Variants in ADAMTS18 observed in about 807,000 individuals in gnomAD.
The protein encoded by ADAMTS18 is ADAM metallopeptidase with thrombospondin type 1 motif 18, also known as A disintegrin and metalloproteinase with thrombospondin motifs 18.
A neutral mutation model predicts 165.9 loss-of-function variants in ADAMTS18; 157 were observed. That is an observed-to-expected ratio of 0.95 (90% CI 0.83 to 1.08). The LOEUF is 1.08. Among genes scored for constraint, ADAMTS18 ranks in the 50% least tolerant of loss-of-function variants. The pLI, the probability that ADAMTS18 is intolerant of heterozygous loss-of-function variation, is 0.00. For missense variants in ADAMTS18, 2,040 were observed against 1,534.0 expected (o/e 1.33, Z -5.51); for synonymous variants, 782 against 578.2 (o/e 1.35, Z -5.06).
At chr16:77,314,942 T>A (rs2055860646) in intron 16 of ADAMTS18, among the ~76,000 whole-genome samples, 1 of 150,488 alleles carries the variant, frequency 6.6e-6, no homozygotes, top group Non-Finnish European at 1.5e-5. Context: ...ATATAGACAT[T>A]AAGTGACACA....
intron 4 of ADAMTS18, among the ~76,000 whole-genome samples, chr16:77,366,423 T>C (rs777640275): frequency 1.4e-4 from 22 of 152,078 alleles, no homozygotes; most frequent in Non-Finnish European, 2.9e-4. Context: ...CTTGGCGTGC[T>C]GGCGTGCGCC....
chr16:77,299,693 G>A (rs1171777886), intron 17 of ADAMTS18, among the ~76,000 whole-genome samples: 11 of 152,128 alleles, frequency 7.2e-5, no homozygotes, highest in Non-Finnish European at 1.0e-4. Flanking sequence ...TAAATAAAAC[G>A]CCTTCCTTCT....
At chr16:77,372,405 T>C (rs937838970) in intron 3 of ADAMTS18, among the ~76,000 whole-genome samples, 5 of 152,184 alleles carry the variant, frequency 3.3e-5, no homozygotes, top group Non-Finnish European at 1.5e-5. Flanking sequence ...GTGGTATATA[T>C]ACACAATGGA....
At chr16:77,371,259 AAAAAG>A (rs1339741655) in intron 3 of ADAMTS18, among the ~76,000 whole-genome samples, 4 of 152,060 alleles carry the variant, frequency 2.6e-5, no homozygotes, top group African/African-American at 4.8e-5. Flanking sequence ...AAAAACGGAG[AAAAAG>A]AAAAAAGAAA....
chr16:77,352,522 T>TGAATTC (rs770365366), intron 10 of ADAMTS18, among the ~76,000 whole-genome samples: 16 of 152,034 alleles, frequency 1.1e-4, no homozygotes, highest in Non-Finnish European at 4.4e-5. Context: ...CCTTGAAGGG[T>TGAATTC]TTTTGTGAAG....
chr16:77,291,564 A>ATCCACATGAAATAG (rs1306761519), intron 20 of ADAMTS18, 86 bp from the exon 21 acceptor site: 19 of 1,327,980 alleles, frequency 1.4e-5, no homozygotes, highest in Middle Eastern at 4.1e-4. Context: ...AGGTTGCACC[A>ATCCACATGAAATAG]TCCACATGAA....
intron 8 of ADAMTS18, among the ~76,000 whole-genome samples, chr16:77,358,392 T>G (rs1006234286): frequency 1.3e-5 from 2 of 152,104 alleles, no homozygotes; most frequent in Admixed American, 6.5e-5. Context: ...TGAAACCTCA[T>G]CTGTACTAAA....
chr16:77,358,666 T>C (rs2056667534), intron 8 of ADAMTS18, among the ~76,000 whole-genome samples: 1 of 152,252 alleles, frequency 6.6e-6, no homozygotes, highest in African/African-American at 2.4e-5. Context: ...TTTGAAAATA[T>C]ATGAGTTATT....
rs34453966 is a variant in ADAMTS18 at position 77,411,677 on chromosome 16, ATTTTTTTTT to A, written c.495+19609_495+19617del. 2.2e-4 allele frequency among the ~76,000 whole-genome samples: 16 copies of A among 73,862 alleles called. No homozygotes were observed. In the Admixed American group the frequency reaches 2.3e-3, roughly 11 times the overall value. 48.5% of individuals were successfully genotyped at this position (73,862 alleles called of 152,430 possible). A position where few individuals can be genotyped will look rare whatever the true frequency, so the allele number is the denominator to read the frequency against. ...CTTGATGGACCACAGAGTATCCAGA[ATTTTTTTTT>A]TTTTTTTTTTTTTTTTTTGAGACAG... On this transcript the variant is annotated intron_variant, in intron 3 of 22. Coordinates refer to ENST00000282849, the MANE Select transcript of ADAMTS18 (RefSeq NM_199355.4).
At chr16:77,325,049 T>G (rs2056068883) in intron 13 of ADAMTS18, among the ~76,000 whole-genome samples, 1 of 152,220 alleles carries the variant, frequency 6.6e-6, no homozygotes, top group Admixed American at 6.5e-5. Flanking sequence ...ATTAGCTTCC[T>G]TTATGATCAC....
At chr16:77,334,971 T>C (rs1433083929) in intron 12 of ADAMTS18, among the ~76,000 whole-genome samples, 5 of 143,186 alleles carry the variant, frequency 3.5e-5, no homozygotes, top group African/African-American at 1.3e-4. Context: ...ATACTGTATA[T>C]TATAGTATAT....
intron 12 of ADAMTS18, among the ~76,000 whole-genome samples, chr16:77,331,931 G>T (rs369666244): frequency 2.6e-5 from 4 of 152,194 alleles, no homozygotes; most frequent in Non-Finnish European, 5.9e-5. Flanking sequence ...TGACTCAAAT[G>T]AAGTACCATT....
At chr16:77,384,926 C>A (rs1021737628) in intron 3 of ADAMTS18, among the ~76,000 whole-genome samples, 2 of 125,618 alleles carry the variant, frequency 1.6e-5, no homozygotes, top group Admixed American at 8.2e-5. Context: ...TTTTTTTTTT[C>A]TGAGACAGAG....
Position 77,402,639 on chromosome 16 carries a change from A to T in ADAMTS18, c.495+28656T>A, listed in dbSNP as rs1053639042. On this transcript the variant is annotated intron_variant, in intron 3 of 22. Coordinates refer to ENST00000282849, the MANE Select transcript of ADAMTS18 (RefSeq NM_199355.4). ...AACTTTAAGTAGAAGATTTATTTAC[A>T]TGCCTTCCCTTCCCTCATTTGATCA... Among the ~76,000 whole-genome samples the T allele has an allele frequency of 7.9e-5, 12 of 152,252 alleles. 1 individual carries two copies. The highest frequency in any genetic ancestry group is 6.5e-4 in the Admixed American group (10 of 15,288).
chr16:77,298,028 G>T (rs144869785), intron 17 of ADAMTS18, among the ~76,000 whole-genome samples: 16,172 of 145,440 alleles, frequency 0.11, 1,188 homozygotes, highest in Admixed American at 0.24. Context: ...GGGTTCAAGC[G>T]ATTCTCCTGC....
At chr16:77,404,716 TGC>T (rs1555525946) in intron 3 of ADAMTS18, among the ~76,000 whole-genome samples, 2 of 152,042 alleles carry the variant, frequency 1.3e-5, no homozygotes, top group Non-Finnish European at 2.9e-5. Context: ...TCTCACAGAG[TGC>T]ACTCTGTGAT....
At chr16:77,334,095 A>G (rs1483714478) in intron 12 of ADAMTS18, among the ~76,000 whole-genome samples, 1 of 86,214 alleles carries the variant, frequency 1.2e-5, no homozygotes, top group Non-Finnish European at 2.2e-5. Context: ...GTTATATATT[A>G]TATATAATAT....
intron 3 of ADAMTS18, among the ~76,000 whole-genome samples, chr16:77,384,612 G>A (rs1438936019): frequency 6.6e-6 from 1 of 152,144 alleles, no homozygotes; most frequent in Non-Finnish European, 1.5e-5. Context: ...AAAAACCAAT[G>A]TACGTTATAG....
chr16:77,344,281 C>T (rs569987128), intron 10 of ADAMTS18, among the ~76,000 whole-genome samples: 10 of 151,936 alleles, frequency 6.6e-5, no homozygotes, highest in African/African-American at 2.2e-4. Context: ...CCACCAGCTG[C>T]CCCAGATGTG....
Sources: allele counts gnomAD v4.1 joint callset (sites outside exome capture counted in the v4.1 genomes callset), GRCh38; gene constraint gnomAD v4.1.1; transcripts MANE v1.5; gene names NCBI Gene and HGNC (gene_info 2026-07-23, HGNC 2026-07-21).